Variants in ABAT observed in about 807,000 individuals in gnomAD.
ABAT encodes the protein 4-aminobutyrate aminotransferase, also known as 4-aminobutyrate aminotransferase, mitochondrial.
A neutral mutation model predicts 64.6 loss-of-function variants in ABAT; 45 were observed. That is an observed-to-expected ratio of 0.70 (90% CI 0.55 to 0.89). The LOEUF (loss-of-function observed/expected upper bound fraction) is 0.89, where lower values mean the gene tolerates loss of function less well. Ranked by LOEUF, ABAT falls within the 40% of genes least tolerant of loss-of-function variation. ABAT has a pLI of 0.00. For synonymous variants in ABAT, 297 were observed against 250.5 expected (o/e 1.19, Z -1.75); for missense variants, 633 against 658.4 (o/e 0.96, Z 0.42).
chr16:8,713,604 C>T (rs2058128704), intron 1 of ABAT: 2 of 304,346 alleles, frequency 6.6e-6, no homozygotes, highest in Non-Finnish European at 1.3e-5. Flanking sequence ...CCCTTGCGCA[C>T]TTGCCGGGTA....
rs2059896737 is a variant in ABAT at position 8,764,836 on chromosome 16, G to T, written c.540+6G>T. The T allele has an allele frequency of 6.2e-7, 1 of 1,607,292 alleles. No homozygotes were observed. The highest frequency in any genetic ancestry group is 8.5e-7 in the Non-Finnish European group (1 of 1,176,852). ...CCATCTTCATGTGGTACCGGGTGAG[G>T]TTTGGGGCACACACACACACACACA... is the stretch of plus-strand genomic sequence containing the variant. On this transcript the variant is annotated splice_donor_region_variant and intron_variant, in intron 8 of 15. Coordinates refer to ENST00000268251, the MANE Select transcript of ABAT (RefSeq NM_020686.6). The surrounding 1 kb of genome is among the most constrained non-coding windows in gnomAD (Gnocchi z 4.2).
Position 8,782,329 on chromosome 16 carries a change from A to T in ABAT, c.*899A>T, listed in dbSNP as rs2060459114. 1.3e-5 allele frequency: 2 copies of T among 152,348 alleles called. No individual in the cohort carries two copies. Among genetic ancestry groups the T allele is most frequent in the Non-Finnish European group, 2.9e-5 (2 of 68,276 alleles). 9.4% of individuals were successfully genotyped at this position (152,348 alleles called of 1,614,324 possible). On this transcript the variant is annotated 3_prime_UTR_variant, in exon 16 of 16. Transcript: ENST00000268251. ...TCTGGGGCAGCAGAGCCATCGCATC[A>T]TGTTTCCCAGGGCAACTTGAGGTCT...
Position 8,762,191 on chromosome 16 carries a change from G to A in ABAT, c.367-1878G>A, listed in dbSNP as rs117076990. 3.5e-3 allele frequency among the ~76,000 whole-genome samples: 535 copies of A among 152,216 alleles called. 1 individual carries two copies. Among genetic ancestry groups the A allele is most frequent in the Non-Finnish European group, 6.3e-3 (427 of 68,000 alleles). On this transcript the variant is annotated intron_variant, in intron 6 of 15. Coordinates refer to ENST00000268251, the MANE Select transcript of ABAT (RefSeq NM_020686.6). ...CAGTTACTATTTCTTATGTCACCAG[G>A]CCCATCTCATTACATTGCCAACAAG... is the stretch of plus-strand genomic sequence containing the variant.
At chr16:8,724,006 A>G (rs2058461216) in intron 1 of ABAT, among the ~76,000 whole-genome samples, 1 of 151,242 alleles carries the variant, frequency 6.6e-6, no homozygotes, top group Non-Finnish European at 1.5e-5. Flanking sequence ...ATGCATGGCT[A>G]ATTTTTATAT....
chr16:8,684,463 C>A (rs1450712534), intron 1 of ABAT, among the ~76,000 whole-genome samples: 1 of 152,118 alleles, frequency 6.6e-6, no homozygotes, highest in African/African-American at 2.4e-5. Flanking sequence ...GTCCCAACTA[C>A]TCAGGAAGCT....
Position 8,750,542 on chromosome 16 carries a change from A to T in ABAT, c.316+3A>T, listed in dbSNP as rs376810382. The T allele has an allele frequency of 6.2e-7, 1 of 1,610,242 alleles. No individual in the cohort carries two copies. The highest frequency in any genetic ancestry group is 1.3e-5 in the African/African-American group (1 of 74,860). Reference sequence around the variant, plus strand: ...CCAGATCTCCTCTGTCCCCATAGGTAAGAGCTGGGAAATCATTCCTTGGAT... The same window carrying T: ...CCAGATCTCCTCTGTCCCCATAGGTTAGAGCTGGGAAATCATTCCTTGGAT... On this transcript the variant is annotated splice_donor_region_variant and intron_variant, in intron 5 of 15. Coordinates refer to ENST00000268251, the MANE Select transcript of ABAT (RefSeq NM_020686.6).
intron 1 of ABAT, among the ~76,000 whole-genome samples, chr16:8,710,255 T>C (rs1567278985): frequency 6.6e-6 from 1 of 152,180 alleles, no homozygotes; most frequent in Non-Finnish European, 1.5e-5. Context: ...CAAACACAAA[T>C]AAAGGTTATA....
chr16:8,684,914 A>G (rs776650466), intron 1 of ABAT, among the ~76,000 whole-genome samples: 4 of 152,166 alleles, frequency 2.6e-5, no homozygotes, highest in Non-Finnish European at 4.4e-5. Flanking sequence ...ACAGAGGCAA[A>G]CATGGTTGGA....
chr16:8,683,921 T>G (rs2057392070), intron 1 of ABAT, among the ~76,000 whole-genome samples: 1 of 150,962 alleles, frequency 6.6e-6, no homozygotes, highest in African/African-American at 2.4e-5. Context: ...TGTACAGTAG[T>G]AGGGGTGTGT....
At chr16:8,733,957 T>C (rs2058836455) in intron 1 of ABAT, among the ~76,000 whole-genome samples, 1 of 152,222 alleles carries the variant, frequency 6.6e-6, no homozygotes, top group South Asian at 2.1e-4. Context: ...TGTTGCAGCA[T>C]ATAACAGGAT....
chr16:8,739,831 G>A (rs539442159), intron 2 of ABAT, among the ~76,000 whole-genome samples: 25 of 151,536 alleles, frequency 1.6e-4, no homozygotes, highest in Non-Finnish European at 3.1e-4. Flanking sequence ...TTTCTTGGCT[G>A]GAGCTGAATC....
At chr16:8,729,568 C>G (rs1011909991) in intron 1 of ABAT, among the ~76,000 whole-genome samples, 3 of 152,042 alleles carry the variant, frequency 2.0e-5, no homozygotes, top group Non-Finnish European at 2.9e-5. Flanking sequence ...GCCTATAATC[C>G]CAGCACTTCA....
intron 1 of ABAT, chr16:8,720,634 C>T (rs2058342152): frequency 6.6e-6 from 1 of 152,314 alleles, no homozygotes; most frequent in African/African-American, 2.4e-5. Flanking sequence ...ACCCCATCTG[C>T]ACAGGCCCAC....
chr16:8,751,647 C>T (rs1641013), intron 5 of ABAT, among the ~76,000 whole-genome samples: 144,920 of 152,222 alleles, frequency 0.95, 69,255 homozygotes, highest in East Asian at 1. Context: ...GGGGAGAACT[C>T]GTATAATCTC....
chr16:8,713,861 G>T (rs1331221998), intron 1 of ABAT: 3 of 455,970 alleles, frequency 6.6e-6, no homozygotes, highest in African/African-American at 6.0e-5. Flanking sequence ...CGACTACCAG[G>T]CACCGTGAGT....
At chr16:8,734,008 A>G (rs2058838286) in intron 1 of ABAT, among the ~76,000 whole-genome samples, 1 of 152,138 alleles carries the variant, frequency 6.6e-6, no homozygotes, top group Non-Finnish European at 1.5e-5. Context: ...CACTCTGTGG[A>G]TACAGCATAT....
intron 1 of ABAT, among the ~76,000 whole-genome samples, chr16:8,732,043 G>A (rs2058736278): frequency 6.6e-6 from 1 of 151,936 alleles, no homozygotes; most frequent in African/African-American, 2.4e-5. Flanking sequence ...GGTAGAGACG[G>A]GGTTTCACTA....
intron 1 of ABAT, among the ~76,000 whole-genome samples, chr16:8,733,882 A>G (rs1418875872): frequency 6.6e-6 from 1 of 152,254 alleles, no homozygotes; most frequent in Non-Finnish European, 1.5e-5. Context: ...GACAGGAATC[A>G]TGCAGTATCT....
At chr16:8,743,917 T>C (rs1284253391) in intron 2 of ABAT, among the ~76,000 whole-genome samples, 1 of 152,100 alleles carries the variant, frequency 6.6e-6, no homozygotes, top group Non-Finnish European at 1.5e-5. Flanking sequence ...TAGGGGTTCC[T>C]GACAGTAAAC....
Sources: gnomAD v4.1 joint callset for allele counts (sites outside exome capture counted in the v4.1 genomes callset) on GRCh38, gnomAD v4.1.1 for gene constraint, Gnocchi (gnomAD v3.1) non-coding constraint, MANE v1.5 for transcripts, NCBI Gene and HGNC (gene_info 2026-07-23, HGNC 2026-07-21) for gene names.